Variants in TRIM37 observed in about 807,000 individuals in gnomAD.
TRIM37 encodes E3 ubiquitin-protein ligase TRIM37.
A neutral mutation model predicts 129.8 loss-of-function variants in TRIM37; 80 were observed. The ratio of observed to expected loss-of-function variants is 0.62; its 90% CI spans 0.51 to 0.74. TRIM37 has a LOEUF of 0.74. TRIM37 is among the 30% of genes least tolerant of loss of function. The probability of loss-of-function intolerance (pLI) is 0.00; values close to 1 mark genes in which losing one functional copy is unlikely to be tolerated. For synonymous variants in TRIM37, 389 were observed against 387.1 expected (o/e 1.00, Z -0.06); for missense variants, 1,054 against 1,176.5 (o/e 0.90, Z 1.52).
At chr17:59,001,784 G>T in intron 22 of TRIM37, 70 bp from the exon 23 acceptor site, 2 of 1,582,728 alleles carry the variant, frequency 1.3e-6, no homozygotes, top group African/African-American at 1.3e-5. Flanking sequence ...AGAAATCTCC[G>T]TATCTGCTAA....
chr17:59,017,852 C>T (rs1182509770), intron 19 of TRIM37, among the ~76,000 whole-genome samples: 2 of 152,042 alleles, frequency 1.3e-5, no homozygotes, highest in Non-Finnish European at 2.9e-5. Flanking sequence ...TCTCGAACAC[C>T]TGAACTCAGG....
intron 17 of TRIM37, among the ~76,000 whole-genome samples, chr17:59,037,475 G>C (rs969261472): frequency 1.4e-5 from 2 of 146,646 alleles, no homozygotes; most frequent in Non-Finnish European, 3.0e-5. Context: ...GGAGAATGGG[G>C]TGAACCTGGG....
intron 2 of TRIM37, among the ~76,000 whole-genome samples, chr17:59,103,013 C>G (rs1303943850): frequency 6.6e-6 from 1 of 151,980 alleles, no homozygotes; most frequent in African/African-American, 2.4e-5. Flanking sequence ...GCTGGGACTA[C>G]AGGAGCATGC....
intron 24 of TRIM37, chr17:58,984,786 A>G (rs936902904): frequency 6.6e-6 from 1 of 152,474 alleles, no homozygotes; most frequent in African/African-American, 2.4e-5. Context: ...TTCTATTTTG[A>G]AGACTATTTA....
chr17:59,072,032 G>A (rs557197725), intron 8 of TRIM37, among the ~76,000 whole-genome samples: 77 of 152,252 alleles, frequency 5.1e-4, no homozygotes, highest in African/African-American at 1.8e-3. Flanking sequence ...CAGTCTATCT[G>A]GAGATAATCT....
At chr17:59,054,085 A>T (rs1044963130) in intron 13 of TRIM37, among the ~76,000 whole-genome samples, 1 of 152,236 alleles carries the variant, frequency 6.6e-6, no homozygotes, top group African/African-American at 2.4e-5. Context: ...AGTATGCTCA[A>T]GAACAAAGAG....
At chr17:59,003,551 T>G (rs903135137) in intron 22 of TRIM37, among the ~76,000 whole-genome samples, 1 of 151,874 alleles carries the variant, frequency 6.6e-6, no homozygotes, top group African/African-American at 2.4e-5. Flanking sequence ...CATAGTTATT[T>G]ACTTTGAAAA....
chr17:59,037,777 T>G (rs931675072), intron 17 of TRIM37, among the ~76,000 whole-genome samples: 4 of 152,058 alleles, frequency 2.6e-5, no homozygotes, highest in Admixed American at 2.6e-4. Context: ...TTATTGAGAT[T>G]TTAGTAGTTT....
chr17:59,097,658 C>T (rs1282646151), intron 2 of TRIM37, among the ~76,000 whole-genome samples: 4 of 152,042 alleles, frequency 2.6e-5, no homozygotes, highest in Non-Finnish European at 5.9e-5. Flanking sequence ...CTCTTGAACC[C>T]AGGAAGTTGA....
the TRIM37 span, chr17:58,972,970 C>G: frequency 2.9e-6 from 4 of 1,368,494 alleles, no homozygotes; most frequent in African/African-American, 5.7e-5. Flanking sequence ...CCTCTTCTAG[C>G]TCATTCTCCT....
intron 11 of TRIM37, among the ~76,000 whole-genome samples, chr17:59,061,634 TCC>T (rs1337789725): frequency 6.6e-6 from 1 of 152,074 alleles, no homozygotes; most frequent in Non-Finnish European, 1.5e-5. Flanking sequence ...AATTACTCCC[TCC>T]CTTTTTGTTT....
At chr17:59,041,722 C>T in intron 17 of TRIM37, 91 bp downstream of exon 17, 1 of 926,514 alleles carries the variant, frequency 1.1e-6, no homozygotes, top group Non-Finnish European at 1.8e-6. Flanking sequence ...CATGTACAAG[C>T]AGTGGCTACC....
chr17:58,969,825 C>A, the TRIM37 span: 2 of 1,118,038 alleles, frequency 1.8e-6, no homozygotes, highest in Non-Finnish European at 2.5e-6. Flanking sequence ...TCTTTCTGGG[C>A]AGACATTATC....
intron 19 of TRIM37, among the ~76,000 whole-genome samples, chr17:59,027,885 C>T (rs1376866263): frequency 6.6e-6 from 1 of 152,134 alleles, no homozygotes; most frequent in Non-Finnish European, 1.5e-5. Context: ...TTCAAATACG[C>T]AAAATAAATC....
intron 20 of TRIM37, 117 bp downstream of exon 20, chr17:59,017,179 C>CA: frequency 7.3e-7 from 1 of 1,360,596 alleles, no homozygotes; most frequent in South Asian, 1.2e-5. Context: ...AAGAAACTTT[C>CA]AAATCCAACT....
chr17:59,018,928 A>G (rs923095612), intron 19 of TRIM37, among the ~76,000 whole-genome samples: 4 of 152,172 alleles, frequency 2.6e-5, no homozygotes, highest in African/African-American at 4.8e-5. Flanking sequence ...ACAAACCCTT[A>G]TATTTATGGT....
chr17:59,017,251 A>G (rs2036060840), intron 20 of TRIM37, 45 bp downstream of exon 20: 1 of 1,607,622 alleles, frequency 6.2e-7, no homozygotes, highest in African/African-American at 1.3e-5. Context: ...TCAGGTAATA[A>G]ATATTTACCC....
At chr17:59,040,098 G>T (rs2038986349) in intron 17 of TRIM37, among the ~76,000 whole-genome samples, 1 of 151,936 alleles carries the variant, frequency 6.6e-6, no homozygotes, top group South Asian at 2.1e-4. Context: ...TAGAGACAAG[G>T]TTTCACCACG....
At chr17:59,106,413 C>T in intron 1 of TRIM37, 28 bp downstream of exon 1, 2 of 1,613,944 alleles carry the variant, frequency 1.2e-6, no homozygotes, top group Non-Finnish European at 8.5e-7. Context: ...GGGGCGGGGA[C>T]TAACCACCAC....
Sources: gnomAD v4.1 joint callset for allele counts (sites outside exome capture counted in the v4.1 genomes callset) on GRCh38, gnomAD v4.1.1 for gene constraint, MANE v1.5 for transcripts, NCBI Gene and HGNC (gene_info 2026-07-23, HGNC 2026-07-21) for gene names.